The following TNKS2 variants were observed in gnomAD, a reference collection of about 807,000 sequenced individuals.
The protein encoded by TNKS2 is tankyrase 2, also known as poly [ADP-ribose] polymerase tankyrase-2.
A neutral mutation model predicts 137.6 loss-of-function variants in TNKS2; 72 were observed. That is an observed-to-expected ratio of 0.52 (90% CI 0.43 to 0.64). TNKS2 has a LOEUF of 0.64. TNKS2 is among the 30% of genes least tolerant of loss of function. The pLI is 0.00. For synonymous variants in TNKS2, 516 were observed against 512.1 expected (o/e 1.01, Z -0.10); for missense variants, 1,049 against 1,410.2 (o/e 0.74, Z 4.10).
chr10:91,852,144 C>T (rs1348049707), intron 21 of TNKS2, among the ~76,000 whole-genome samples: 3 of 151,652 alleles, frequency 2.0e-5, no homozygotes, highest in Admixed American at 6.6e-5. Context: ...AGGAGAATGG[C>T]GTGAACCCGG....
intron 3 of TNKS2, 54 bp downstream of exon 3, chr10:91,817,283 A>G (rs985503033): frequency 2.9e-6 from 4 of 1,380,814 alleles, no homozygotes; most frequent in East Asian, 4.9e-5. Flanking sequence ...CAACCTTGCC[A>G]GGTAGGAAAT....
chr10:91,835,072 C>T (rs1435805068), intron 12 of TNKS2, among the ~76,000 whole-genome samples: 1 of 152,100 alleles, frequency 6.6e-6, no homozygotes, highest in African/African-American at 2.4e-5. Context: ...CTAGATGTTA[C>T]AATTCTTAAT....
At chr10:91,854,883 A>G in intron 21 of TNKS2, 146 bp from the exon 22 acceptor site, 2 of 515,132 alleles carry the variant, frequency 3.9e-6, no homozygotes, top group Non-Finnish European at 6.9e-6. Context: ...GGGCAACAAG[A>G]GTGAAACTCT....
Position 91,842,171 on chromosome 10 carries a change from G to A in TNKS2, c.1840-1G>A. The A allele has an allele frequency of 6.2e-7, 1 of 1,606,762 alleles. No individual in the cohort carries two copies. Among genetic ancestry groups the A allele is most frequent in the Non-Finnish European group, 8.5e-7 (1 of 1,176,182 alleles). On this transcript the variant is annotated splice_acceptor_variant, in intron 15 of 26. Coordinates refer to ENST00000371627, the MANE Select transcript of TNKS2 (RefSeq NM_025235.4). LOFTEE classifies it high-confidence loss of function. ...TTTTTTTCTGTTTTTCACATGCCTAGCATGGTGCAGACCCTACAAAAAAAA... is the reference window on the plus strand; with the variant it reads ...TTTTTTTCTGTTTTTCACATGCCTAACATGGTGCAGACCCTACAAAAAAAA...
chr10:91,816,816 C>A lies in TNKS2; in HGVS notation c.425-318C>A, dbSNP rs556272522. On this transcript the variant is annotated intron_variant, in intron 2 of 26. Coordinates refer to ENST00000371627, the MANE Select transcript of TNKS2 (RefSeq NM_025235.4). ...TGTTCTTTTGGAATGAGAAAACAAG[C>A]TTTTAAGCACACTTGCCTTTTCCCT... 3.9e-5 allele frequency among the ~76,000 whole-genome samples: 6 copies of A among 151,986 alleles called. No individual in the cohort carries two copies. The East Asian group carries it at 1.2e-3, about 29-fold the overall frequency.
intron 15 of TNKS2, among the ~76,000 whole-genome samples, 199 bp from the exon 16 acceptor site, chr10:91,841,973 C>A (rs974098843): frequency 6.6e-6 from 1 of 151,606 alleles, no homozygotes; most frequent in Non-Finnish European, 1.5e-5. Context: ...TTAAAAAATC[C>A]AGTAATATTT....
At chr10:91,856,045 A>G (rs1345969905) in intron 23 of TNKS2, among the ~76,000 whole-genome samples, 1 of 152,176 alleles carries the variant, frequency 6.6e-6, no homozygotes, top group Non-Finnish European at 1.5e-5. Context: ...TTATAGTCAT[A>G]CAATGCTTAT....
chr10:91,825,975 A>T (rs1845056149), intron 7 of TNKS2, among the ~76,000 whole-genome samples: 1 of 152,234 alleles, frequency 6.6e-6, no homozygotes, highest in African/African-American at 2.4e-5. Context: ...GCATAAAGAA[A>T]TGTTTATGAT....
chr10:91,834,562 A>AG (rs547923900), intron 12 of TNKS2, among the ~76,000 whole-genome samples: 165 of 152,386 alleles, frequency 1.1e-3, no homozygotes, highest in African/African-American at 3.9e-3. Flanking sequence ...AATTTGATGC[A>AG]GTAGCTTTGA....
In TNKS2 at chr10:91,798,874, C is replaced by T; in HGVS notation, c.184C>T (p.Leu62=). The T allele has an allele frequency of 7.3e-7, 1 of 1,374,488 alleles. No homozygotes were observed. The highest frequency in any genetic ancestry group is 9.5e-7 in the Non-Finnish European group (1 of 1,055,620). 85.1% of individuals were successfully genotyped at this position (1,374,488 alleles called of 1,614,324 possible). ...CACGGCGGGCAGGAAATCCACCCCG[C>T]TGCACTTCGCCGCAGGTAACCGGGG... ...RDTAGRKSTP[L]HFAAGFGRKD... The change falls in exon 1 of 27, where the codon CTG becomes TTG. Residue 62 remains leucine, a synonymous_variant. Coordinates refer to ENST00000371627, the MANE Select transcript of TNKS2 (RefSeq NM_025235.4).
At chr10:91,810,335 G>A (rs1024183671) in intron 1 of TNKS2, among the ~76,000 whole-genome samples, 4 of 151,676 alleles carry the variant, frequency 2.6e-5, no homozygotes, top group Admixed American at 1.3e-4. Context: ...CCGAGATCAC[G>A]CCATTGCACT....
chr10:91,832,510 C>T (rs1294502803), intron 11 of TNKS2, among the ~76,000 whole-genome samples: 1 of 151,448 alleles, frequency 6.6e-6, no homozygotes, highest in East Asian at 1.9e-4. Flanking sequence ...CACATTTCAG[C>T]GAGTTAGGGT....
At chr10:91,802,862 A>C (rs1215580981) in intron 1 of TNKS2, among the ~76,000 whole-genome samples, 1 of 152,272 alleles carries the variant, frequency 6.6e-6, no homozygotes, top group African/African-American at 2.4e-5. Context: ...AGGAAACCCT[A>C]GTGTCAAATA....
Position 91,813,091 on chromosome 10 carries a change from A to C in TNKS2, c.308A>C (p.His103Pro), listed in dbSNP as rs1366481296. 1 of 1,614,172 alleles carries C rather than the reference A, an allele frequency of 6.2e-7. No homozygotes were observed. The highest frequency in any genetic ancestry group is 1.1e-5 in the South Asian group (1 of 91,082). The change falls in exon 2 of 27, where the codon CAT becomes CCT. Residue 103 changes from histidine to proline, a missense_variant. Transcript: ENST00000371627. Reference sequence around the variant, plus strand: ...CTTCATAATGCATGCTCTTTTGGTCATGCTGAAGTAGTCAATCTCCTTTTG... The same window carrying C: ...CTTCATAATGCATGCTCTTTTGGTCCTGCTGAAGTAGTCAATCTCCTTTTG... ...IPLHNACSFG[H>P]AEVVNLLLRH...
intron 21 of TNKS2, among the ~76,000 whole-genome samples, chr10:91,853,143 G>C (rs1842600939): frequency 1.3e-5 from 2 of 152,212 alleles, no homozygotes; most frequent in African/African-American, 4.8e-5. Context: ...AAGAGGCAGA[G>C]TAGAAAAGGA....
Position 91,812,952 on chromosome 10 carries a change from A to G in TNKS2, c.200-31A>G, listed in dbSNP as rs749982979. Reference sequence around the variant, plus strand: ...TAATTTGATATCTTTTCCTTGTTGAACTTACGTGTGGACAATTTGTTTTCA... The same window carrying G: ...TAATTTGATATCTTTTCCTTGTTGAGCTTACGTGTGGACAATTTGTTTTCA... On this transcript the variant is annotated intron_variant, in intron 1 of 26. Coordinates refer to ENST00000371627, the MANE Select transcript of TNKS2 (RefSeq NM_025235.4). 4 of 1,609,278 alleles carry G rather than the reference A, an allele frequency of 2.5e-6. No individual in the cohort carries two copies. In the South Asian group the frequency reaches 3.3e-5, roughly 13 times the overall value.
At chr10:91,805,106 A>G (rs1034553297) in intron 1 of TNKS2, among the ~76,000 whole-genome samples, 1 of 101,614 alleles carries the variant, frequency 9.8e-6, no homozygotes, top group East Asian at 3.4e-4. Context: ...ACTCCAAGCA[A>G]CTTTTTTTTT....
At chr10:91,807,912 C>T (rs946994777) in intron 1 of TNKS2, among the ~76,000 whole-genome samples, 5 of 150,474 alleles carry the variant, frequency 3.3e-5, no homozygotes, top group Non-Finnish European at 1.5e-5. Flanking sequence ...AGGAGAATGG[C>T]ATGAACCCGG....
At chr10:91,840,528 G>A (rs907745296) in intron 13 of TNKS2, 33 bp from the exon 14 acceptor site, 1 of 1,580,120 alleles carries the variant, frequency 6.3e-7, no homozygotes, top group Admixed American at 1.8e-5. Context: ...ATATGTAGAT[G>A]TAGTATCATG....
Sources: gnomAD v4.1 joint callset for allele counts (sites outside exome capture counted in the v4.1 genomes callset) on GRCh38, gnomAD v4.1.1 for gene constraint, MANE v1.5 for transcripts, NCBI Gene and HGNC (gene_info 2026-07-23, HGNC 2026-07-21) for gene names.